TMEM258: variants seen among roughly 807,000 people sequenced by gnomAD.
TMEM258 encodes dolichyl-diphosphooligosaccharide--protein glycosyltransferase subunit TMEM258.
A neutral mutation model predicts 9.9 loss-of-function variants in TMEM258; 11 were observed. The observed-to-expected ratio is 1.11, with a 90% confidence interval of 0.70 to 1.85. The LOEUF is 1.85. Among genes scored for constraint, TMEM258 ranks in the 40% most tolerant of loss-of-function variants. TMEM258 has a pLI of 0.00. For synonymous variants in TMEM258, 40 were observed against 39.1 expected, an observed-to-expected ratio of 1.02 and a Z score of -0.09; for missense variants, 81 against 99.7, an observed-to-expected ratio of 0.81 and a Z score of 0.80.
intron 1 of TMEM258, chr11:61,791,407 C>G (rs182845212): frequency 6.6e-6 from 1 of 152,004 alleles, no homozygotes; most frequent in Admixed American, 6.6e-5. Flanking sequence ...GGATTACAGG[C>G]GTGAACCACC....
chr11:61,792,298 A>G, intron 1 of TMEM258: 1 of 548,834 alleles, frequency 1.8e-6, no homozygotes, highest in African/African-American at 1.9e-5. Flanking sequence ...AAGATAACAC[A>G]CCACCGATAA....
chr11:61,790,417 A>G, intron 2 of TMEM258, 76 bp downstream of exon 2: 3 of 1,330,138 alleles, frequency 2.3e-6, no homozygotes, highest in Non-Finnish European at 2.1e-6. Flanking sequence ...GGCGGGGTCC[A>G]TGTACCTAGC....
chr11:61,789,631 T>C (rs752060196), intron 3 of TMEM258, 154 bp downstream of exon 3: 2 of 845,974 alleles, frequency 2.4e-6, no homozygotes, highest in South Asian at 2.0e-5. Flanking sequence ...GAGGCACAAA[T>C]GTCTAGTGTC....
intron 1 of TMEM258, chr11:61,792,222 AC>A: frequency 2.6e-6 from 1 of 380,248 alleles, no homozygotes; most frequent in South Asian, 2.6e-5. Flanking sequence ...GAAGTGCTTC[AC>A]CAATAAACAT....
In TMEM258 at chr11:61,792,589, G is replaced by T; in HGVS notation, c.-31C>A. On this transcript the variant is annotated 5_prime_UTR_variant, in exon 1 of 4. Coordinates refer to ENST00000537328, the MANE Select transcript of TMEM258 (RefSeq NM_014206.4). ...CCCGCGAAGGCTAATCCGCCGCTCC[G>T]CCACCGGAAGAACACGTCGGCAGGA... The T allele has an allele frequency of 6.2e-7, 1 of 1,613,312 alleles. No homozygotes were observed. Among genetic ancestry groups the T allele is most frequent in the South Asian group, 1.1e-5 (1 of 91,080 alleles).
At chr11:61,790,920 G>T (rs2066779332) in intron 1 of TMEM258, among the ~76,000 whole-genome samples, 1 of 152,138 alleles carries the variant, frequency 6.6e-6, no homozygotes, top group Non-Finnish European at 1.5e-5. Flanking sequence ...GTCACTGACT[G>T]GTGGTACCCA....
intron 2 of TMEM258, chr11:61,790,224 C>T (rs2066773122): frequency 8.8e-6 from 5 of 569,298 alleles, no homozygotes; most frequent in African/African-American, 3.7e-5. Flanking sequence ...ACCACCTTTC[C>T]AACTGTAGCA....
intron 1 of TMEM258, 21 bp downstream of exon 1, chr11:61,792,535 A>T (rs373543028): frequency 6.2e-7 from 1 of 1,613,734 alleles, no homozygotes; most frequent in Non-Finnish European, 8.5e-7. Context: ...CTCCGTCTGG[A>T]ACTCCCCTCA....
Position 61,792,577 on chromosome 11 carries a change from AT to A in TMEM258, c.-20del. 6.2e-7 allele frequency: 1 copy of A among 1,613,704 alleles called. No homozygotes were observed. On this transcript the variant is annotated 5_prime_UTR_variant, in exon 1 of 4. Transcript: ENST00000537328. ...TCACCATTTTGCCCCGCGAAGGCTAATCCGCCGCTCCGCCACCGGAAGAACA... is the reference window on the plus strand; with the variant it reads ...TCACCATTTTGCCCCGCGAAGGCTAACCGCCGCTCCGCCACCGGAAGAACA...
chr11:61,790,531 A>G lies in TMEM258; in HGVS notation c.75T>C (p.Leu25=), dbSNP rs763552950. 3.1e-6 allele frequency: 5 copies of G among 1,614,124 alleles called. No homozygotes were observed. The Admixed American group carries it at 8.3e-5, about 27-fold the overall frequency. The change falls in exon 2 of 4, where the codon CTT becomes CTC. Residue 25 remains leucine, a synonymous_variant. Transcript: ENST00000537328. ...PAVFPHLTVV[L]LAIGMFFTAW... is the part of the protein sequence containing the mutation. ...CGGTGAAGAACATGCCAATGGCCAA[A>G]AGCACCACGGTCAGATGGGGGAAGA...
At chr11:61,792,318 A>G in intron 1 of TMEM258, 1 of 575,286 alleles carries the variant, frequency 1.7e-6, no homozygotes, top group Non-Finnish European at 3.1e-6. Context: ...ACAGAGATAT[A>G]CAAACTGGAA....
chr11:61,792,376 T>C, intron 1 of TMEM258, 180 bp downstream of exon 1: 1 of 780,282 alleles, frequency 1.3e-6, no homozygotes, highest in Admixed American at 2.7e-5. Flanking sequence ...AATCGCGAGC[T>C]GAGAAACCTA....
At chr11:61,790,313 G>A in intron 2 of TMEM258, 180 bp downstream of exon 2, 1 of 641,558 alleles carries the variant, frequency 1.6e-6, no homozygotes, top group Non-Finnish European at 2.7e-6. Context: ...GAGCTCACCT[G>A]AACTTGGGAA....
rs2066770138 is a variant in TMEM258, at chr11:61,789,949, AG to A, written c.114-29del. 5.6e-6 allele frequency: 9 copies of A among 1,606,770 alleles called. No individual in the cohort carries two copies. The East Asian group carries it at 2.0e-4, about 36-fold the overall frequency. ...GGGCACAGCAGTTAAGGCAAAGCGAAGGGGTGGACTGTGGAGTGCAGAGAGC... is the reference window on the plus strand; with the variant it reads ...GGGCACAGCAGTTAAGGCAAAGCGAAGGGTGGACTGTGGAGTGCAGAGAGC... On this transcript the variant is annotated intron_variant, in intron 2 of 3. Coordinates refer to ENST00000537328, the MANE Select transcript of TMEM258 (RefSeq NM_014206.4).
chr11:61,792,493 G>A (rs1346421867), intron 1 of TMEM258, 63 bp downstream of exon 1: 2 of 1,610,434 alleles, frequency 1.2e-6, no homozygotes, highest in East Asian at 2.2e-5. Flanking sequence ...AGATAAGCGC[G>A]GTGTGGGTCA....
chr11:61,789,737 T>A (rs1054037777), intron 3 of TMEM258, 48 bp downstream of exon 3: 22 of 1,560,914 alleles, frequency 1.4e-5, no homozygotes, highest in Non-Finnish European at 1.6e-5. Context: ...GAGGCTTCCC[T>A]GGGCTGTGCC....
chr11:61,792,426 C>T (rs2066791557), intron 1 of TMEM258, 130 bp downstream of exon 1: 1 of 1,363,912 alleles, frequency 7.3e-7, no homozygotes, highest in South Asian at 1.2e-5. Flanking sequence ...CCCCACCCTT[C>T]AGCCCAAGCC....
rs1025051971 is a variant in TMEM258, at chr11:61,789,122, G to A, written c.*124C>T. The A allele has an allele frequency of 1.3e-5, 2 of 152,756 alleles. No homozygotes were observed. Among genetic ancestry groups the A allele is most frequent in the South Asian group, 2.1e-4 (1 of 4,832 alleles). The allele number at this position is 152,756 out of a possible 1,614,324, so 9.5% of individuals were successfully genotyped here. ...CACCACCCCTGCAGAATGGGCCCCAGACAGGACTGCTATACATCTGCATTT... is the reference window on the plus strand; with the variant it reads ...CACCACCCCTGCAGAATGGGCCCCAAACAGGACTGCTATACATCTGCATTT... On this transcript the variant is annotated 3_prime_UTR_variant, in exon 4 of 4. Transcript: ENST00000537328.
chr11:61,792,432 A>G (rs2066791579), intron 1 of TMEM258, 124 bp downstream of exon 1: 1 of 1,418,006 alleles, frequency 7.1e-7, no homozygotes, highest in African/African-American at 1.4e-5. Flanking sequence ...CCTTCAGCCC[A>G]AGCCGGAGGT....
Sources: gnomAD v4.1 joint callset for allele counts (sites outside exome capture counted in the v4.1 genomes callset) on GRCh38, gnomAD v4.1.1 for gene constraint, MANE v1.5 for transcripts, NCBI Gene and HGNC (gene_info 2026-07-23, HGNC 2026-07-21) for gene names.